Variants in ZNF804B observed in about 807,000 individuals in gnomAD.
ZNF804B encodes zinc finger protein 804B, also known as zinc finger 804B.
Under a neutral mutation model 101.4 loss-of-function variants are expected in ZNF804B, and 80 were observed. The observed-to-expected ratio is 0.79, with a 90% confidence interval of 0.66 to 0.95. The LOEUF is 0.95. Among genes scored for constraint, ZNF804B ranks in the 40% least tolerant of loss-of-function variants. The pLI is 0.00. For synonymous variants in ZNF804B, 622 were observed against 558.8 expected, an observed-to-expected ratio of 1.11 and a Z score of -1.59; for missense variants, 1,673 against 1,561.9, an observed-to-expected ratio of 1.07 and a Z score of -1.20.
intron 1 of ZNF804B, among the ~76,000 whole-genome samples, chr7:89,157,604 G>A (rs1790996376): frequency 6.6e-6 from 1 of 152,110 alleles, no homozygotes; most frequent in Non-Finnish European, 1.5e-5. Flanking sequence ...TAATTATCTT[G>A]AGCAGTCATC....
chr7:88,841,531 T>C (rs963833348), intron 1 of ZNF804B, among the ~76,000 whole-genome samples: 5 of 152,270 alleles, frequency 3.3e-5, no homozygotes, highest in Non-Finnish European at 5.9e-5. Context: ...AATGGAAATT[T>C]TTATTTGGAA....
Position 89,335,933 on chromosome 7 carries a change from A to T in ZNF804B, c.2951A>T (p.Gln984Leu), listed in dbSNP as rs1162747659. 6.2e-7 allele frequency: 1 copy of T among 1,613,990 alleles called. No homozygotes were observed. Among genetic ancestry groups the T allele is most frequent in the Non-Finnish European group, 8.5e-7 (1 of 1,179,990 alleles). ...GCATTGCCTTTGTCTGAAAAAATAC[A>T]GTATGCAAGTGAGAGCAGAAATGAT... is the stretch of plus-strand genomic sequence containing the variant. ...RQALPLSEKI[Q>L]YASESRNDQD... The change falls in exon 4 of 4, where the codon CAG becomes CTG. Residue 984 changes from glutamine to leucine, a missense_variant. Transcript: ENST00000333190.
At chr7:88,813,324 G>A (rs1453598996) in intron 1 of ZNF804B, among the ~76,000 whole-genome samples, 1 of 151,472 alleles carries the variant, frequency 6.6e-6, no homozygotes. Flanking sequence ...CTACTCCGGA[G>A]GCTGAGGCAG....
chr7:89,213,407 C>T (rs1348590583), intron 1 of ZNF804B, among the ~76,000 whole-genome samples: 1 of 152,176 alleles, frequency 6.6e-6, no homozygotes, highest in African/African-American at 2.4e-5. Flanking sequence ...AATATGAATT[C>T]AATTCTCACA....
intron 1 of ZNF804B, among the ~76,000 whole-genome samples, chr7:89,073,787 G>T (rs1241936166): frequency 1.3e-5 from 2 of 151,970 alleles, no homozygotes; most frequent in Admixed American, 6.6e-5. Flanking sequence ...TTTAACTTCT[G>T]GTCATTTAAT....
rs576501823 is a variant in ZNF804B, at chr7:89,120,636, C to T, written c.109-97519C>T. On this transcript the variant is annotated intron_variant, in intron 1 of 3. Transcript: ENST00000333190. ...TCGCGCCACTGCACTCCAGCCTGGG[C>T]GACAGAGCGAGACTCCGCCTCAAAA... Among the ~76,000 whole-genome samples, 90 of 117,746 alleles carry T rather than the reference C, an allele frequency of 7.6e-4. 1 individual carries two copies. Among genetic ancestry groups the T allele is most frequent in the Middle Eastern group, 0.014 (2 of 140 alleles). The allele number at this position is 117,746 out of a possible 152,430, so 77.2% of individuals were successfully genotyped here.
At chr7:89,288,068 T>G (rs556420368) in intron 2 of ZNF804B, among the ~76,000 whole-genome samples, 2 of 152,132 alleles carry the variant, frequency 1.3e-5, no homozygotes, top group South Asian at 4.1e-4. Context: ...ATCTAGATAT[T>G]ACAGTTAACA....
intron 1 of ZNF804B, among the ~76,000 whole-genome samples, chr7:88,937,949 C>T (rs557842580): frequency 1.6e-4 from 25 of 152,082 alleles, no homozygotes; most frequent in African/African-American, 5.8e-4. Context: ...TATGGGTGAC[C>T]GTGGGCTGTG....
chr7:89,045,290 G>A (rs987391879), intron 1 of ZNF804B, among the ~76,000 whole-genome samples: 1 of 152,232 alleles, frequency 6.6e-6, no homozygotes, highest in African/African-American at 2.4e-5. Flanking sequence ...TGCTGCAGGG[G>A]CGGAACCCTC....
chr7:88,963,729 A>T (rs1793420267), intron 1 of ZNF804B, among the ~76,000 whole-genome samples: 1 of 151,330 alleles, frequency 6.6e-6, no homozygotes, highest in East Asian at 2.0e-4. Context: ...CTGTTAGGAG[A>T]TTTAAAGGAC....
intron 2 of ZNF804B, among the ~76,000 whole-genome samples, chr7:89,233,839 T>C (rs1357258894): frequency 1.3e-5 from 2 of 152,170 alleles, no homozygotes; most frequent in Non-Finnish European, 2.9e-5. Flanking sequence ...GGTTTCTCCA[T>C]GTTGGTCAGG....
intron 1 of ZNF804B, among the ~76,000 whole-genome samples, chr7:88,881,851 T>C (rs1456187351): frequency 1.3e-5 from 2 of 152,232 alleles, no homozygotes; most frequent in Admixed American, 1.3e-4. Context: ...AAGTAACATT[T>C]AGCTGCTTAC....
intron 1 of ZNF804B, among the ~76,000 whole-genome samples, chr7:88,968,939 T>C (rs1330164147): frequency 6.6e-6 from 1 of 151,590 alleles, no homozygotes; most frequent in Non-Finnish European, 1.5e-5. Flanking sequence ...ATTTTATATG[T>C]TTACAATTAC....
chr7:88,871,574 ATAT>A (rs1791823465), intron 1 of ZNF804B, among the ~76,000 whole-genome samples: 1 of 152,222 alleles, frequency 6.6e-6, no homozygotes, highest in Non-Finnish European at 1.5e-5. Flanking sequence ...CAAAATGTAA[ATAT>A]TATAAAGAAA....
At chr7:89,103,035 G>C (rs1790080077) in intron 1 of ZNF804B, among the ~76,000 whole-genome samples, 1 of 74,044 alleles carries the variant, frequency 1.4e-5, no homozygotes, top group African/African-American at 5.1e-5. Context: ...CTATTCCATT[G>C]ACCTATGTGT....
chr7:89,313,306 A>G (rs1790670707), intron 2 of ZNF804B, among the ~76,000 whole-genome samples: 1 of 152,214 alleles, frequency 6.6e-6, no homozygotes, highest in African/African-American at 2.4e-5. Context: ...TGAACTAAAG[A>G]AAAACATTAA....
At chr7:89,147,083 G>GTATATATATATATATATATATATATA (rs147620052) in intron 1 of ZNF804B, among the ~76,000 whole-genome samples, 68 of 140,132 alleles carry the variant, frequency 4.9e-4, no homozygotes, top group African/African-American at 1.6e-3. Context: ...GGATAATCAG[G>GTATATATATATATATATATATATATA]TATATATATA....
At chr7:89,221,589 G>A (rs920629301) in intron 2 of ZNF804B, among the ~76,000 whole-genome samples, 5 of 151,836 alleles carry the variant, frequency 3.3e-5, no homozygotes, top group South Asian at 4.2e-4. Flanking sequence ...ACAGCATCCC[G>A]TGTACTCTGG....
chr7:89,281,619 A>G (rs1207579698), intron 2 of ZNF804B, among the ~76,000 whole-genome samples: 1 of 152,216 alleles, frequency 6.6e-6, no homozygotes, highest in Admixed American at 6.5e-5. Flanking sequence ...AGTCAAGTAT[A>G]ATATGAATAT....
Sources: gnomAD v4.1 joint callset for allele counts (sites outside exome capture counted in the v4.1 genomes callset) on GRCh38, gnomAD v4.1.1 for gene constraint, MANE v1.5 for transcripts, NCBI Gene and HGNC (gene_info 2026-07-23, HGNC 2026-07-21) for gene names.